The following RGPD2 variants were observed in gnomAD, a reference collection of about 807,000 sequenced individuals.
RGPD2 encodes RANBP2 like and GRIP domain containing 2.
A neutral mutation model predicts 36.0 loss-of-function variants in RGPD2; 2 were observed. That is an observed-to-expected ratio of 0.06 (90% CI 0.02 to 0.17). The LOEUF is 0.17. Ranked by LOEUF, RGPD2 falls within the 10% of genes least tolerant of loss-of-function variation. The pLI, the probability that RGPD2 is intolerant of heterozygous loss-of-function variation, is 1.00. For synonymous variants in RGPD2, 19 were observed against 163.8 expected (o/e 0.12, Z 6.75); for missense variants, 40 against 464.3 (o/e 0.09, Z 8.40).
At chr2:87,951,967 T>C in the RGPD2 span, among the ~76,000 whole-genome samples, 2 of 151,882 alleles carry the variant, frequency 1.3e-5, no homozygotes, top group African/African-American at 4.8e-5. Flanking sequence ...CTCTAAGGCA[T>C]ACTGAAAACT....
chr2:87,842,205 G>A, the RGPD2 span, among the ~76,000 whole-genome samples: 2 of 151,876 alleles, frequency 1.3e-5, no homozygotes, highest in African/African-American at 4.8e-5. Flanking sequence ...GGAAGTTGTG[G>A]CCAGGGCAAT....
chr2:87,883,048 G>T, the RGPD2 span, among the ~76,000 whole-genome samples: 4 of 152,052 alleles, frequency 2.6e-5, no homozygotes, highest in African/African-American at 9.7e-5. Context: ...ATTCTGTAAT[G>T]GTGGTGGATA....
chr2:87,883,219 A>G, the RGPD2 span, among the ~76,000 whole-genome samples: 1 of 151,786 alleles, frequency 6.6e-6, no homozygotes, highest in Non-Finnish European at 1.5e-5. Flanking sequence ...CTCTGCAATC[A>G]AAATTCAATT....
chr2:87,912,849 A>G, the RGPD2 span, among the ~76,000 whole-genome samples: 26 of 127,728 alleles, frequency 2.0e-4, no homozygotes, highest in Non-Finnish European at 3.7e-4. Flanking sequence ...AGTTTCTAGG[A>G]GAGAGAAAAT....
At chr2:87,854,998 G>A in the RGPD2 span, among the ~76,000 whole-genome samples, 4 of 109,066 alleles carry the variant, frequency 3.7e-5, no homozygotes, top group Admixed American at 1.7e-4. Context: ...TATGCTGTCC[G>A]TGTGTGTGTG....
the RGPD2 span, among the ~76,000 whole-genome samples, chr2:87,930,622 T>G: frequency 6.6e-6 from 1 of 151,514 alleles, no homozygotes; most frequent in Non-Finnish European, 1.5e-5. Context: ...ATTTTTGGAA[T>G]TGTCTCAGCA....
chr2:87,964,310 C>A, the RGPD2 span, among the ~76,000 whole-genome samples: 8 of 152,092 alleles, frequency 5.3e-5, no homozygotes, highest in African/African-American at 1.9e-4. Flanking sequence ...GCATTAATGT[C>A]CAATGTCATA....
chr2:87,985,495 A>T, the RGPD2 span, among the ~76,000 whole-genome samples: 1 of 151,776 alleles, frequency 6.6e-6, no homozygotes, highest in Admixed American at 6.6e-5. Context: ...AATGAGAAAT[A>T]GTCATATATG....
At chr2:87,885,964 G>A in the RGPD2 span, among the ~76,000 whole-genome samples, 1 of 151,818 alleles carries the variant, frequency 6.6e-6, no homozygotes, top group South Asian at 2.1e-4. Context: ...CTAAAACGTA[G>A]GTCACAGAAT....
the RGPD2 span, among the ~76,000 whole-genome samples, chr2:87,894,058 T>C: frequency 1.6e-4 from 25 of 151,768 alleles, no homozygotes; most frequent in African/African-American, 4.8e-4. Context: ...GACCAGTCTT[T>C]CTGGCGATAT....
At chr2:87,815,183 G>A (rs1243458817) in intron 4 of RGPD2, among the ~76,000 whole-genome samples, 2 of 146,568 alleles carry the variant, frequency 1.4e-5, no homozygotes, top group African/African-American at 5.4e-5. Flanking sequence ...CAAAATTCCT[G>A]ATTTTGATAT....
chr2:87,966,483 C>T, the RGPD2 span, among the ~76,000 whole-genome samples: 2 of 149,438 alleles, frequency 1.3e-5, no homozygotes, highest in African/African-American at 4.9e-5. Flanking sequence ...AGTGTTGACC[C>T]TATGTCCCTG....
At chr2:87,809,702 T>A (rs1454815132) in intron 6 of RGPD2, among the ~76,000 whole-genome samples, 1 of 150,934 alleles carries the variant, frequency 6.6e-6, no homozygotes, top group Non-Finnish European at 1.5e-5. Context: ...CTGCCTAGGG[T>A]GGCACCAGCT....
At chr2:87,985,587 T>A in the RGPD2 span, 1 of 804,118 alleles carries the variant, frequency 1.2e-6, no homozygotes, top group Non-Finnish European at 2.1e-6. Flanking sequence ...ATTTACAACA[T>A]ATAGATACAA....
intron 1 of RGPD2, among the ~76,000 whole-genome samples, chr2:87,824,736 GGCCGAGGCCGCCGCC>G (rs1260917537): frequency 6.6e-5 from 8 of 121,664 alleles, no homozygotes; most frequent in Non-Finnish European, 1.5e-4. Flanking sequence ...CGCCCGGCCA[GGCCGAGGCCGCCGCC>G]GCCGCCGCCG....
At chr2:87,918,616 C>T in the RGPD2 span, among the ~76,000 whole-genome samples, 1 of 152,108 alleles carries the variant, frequency 6.6e-6, no homozygotes, top group African/African-American at 2.4e-5. Context: ...ATGTTTGCAT[C>T]TGCTTTCCAT....
At chr2:87,780,411 TCA>T (rs1342985099) in intron 20 of RGPD2, among the ~76,000 whole-genome samples, 6 of 112,718 alleles carry the variant, frequency 5.3e-5, no homozygotes, top group Non-Finnish European at 7.3e-5. Context: ...AACCTAGAGC[TCA>T]CAGAAACTGT....
chr2:87,807,360 G>GCGTTAGT lies in RGPD2; in HGVS notation c.780-470_780-469insACTAACG, dbSNP rs1381885084. Reference sequence around the variant, plus strand: ...CAGCAATTGCTCTTTTTACTATATAGATCATTACAGCGTTAAATTGTTTTT... The same window carrying GCGTTAGT: ...CAGCAATTGCTCTTTTTACTATATAGCGTTAGTATCATTACAGCGTTAAATTGTTTTT... On this transcript the variant is annotated intron_variant, in intron 6 of 22. Coordinates refer to ENST00000398146, the MANE Select transcript of RGPD2 (RefSeq NM_001078170.3). Among the ~76,000 whole-genome samples the GCGTTAGT allele has an allele frequency of 8.4e-4, 120 of 142,370 alleles. 1 individual carries two copies. Among genetic ancestry groups the GCGTTAGT allele is most frequent in the Middle Eastern group, 3.5e-3 (1 of 288 alleles). 93.4% of individuals were successfully genotyped at this position (142,370 alleles called of 152,430 possible).
the RGPD2 span, among the ~76,000 whole-genome samples, chr2:87,961,522 G>T: frequency 3.5e-3 from 525 of 151,942 alleles, 6 homozygotes; most frequent in African/African-American, 0.012. Context: ...CCAACATGGC[G>T]AAAGCCCATC....
Sources: gnomAD v4.1 joint callset for allele counts (sites outside exome capture counted in the v4.1 genomes callset) on GRCh38, gnomAD v4.1.1 for gene constraint, MANE v1.5 for transcripts, NCBI Gene and HGNC (gene_info 2026-07-23, HGNC 2026-07-21) for gene names.